Variants in MRC1 observed in about 807,000 individuals in gnomAD.
MRC1 encodes the protein mannose receptor C-type 1.
Under a neutral mutation model 102.9 loss-of-function variants are expected in MRC1, and 62 were observed. The ratio of observed to expected loss-of-function variants is 0.60; its 90% confidence interval spans 0.49 to 0.74. The LOEUF is 0.74. MRC1 is among the 30% of genes least tolerant of loss of function. MRC1 has a pLI of 0.00. For synonymous variants in MRC1, 457 were observed against 298.4 expected (o/e 1.53, Z -5.48); for missense variants, 1,237 against 862.8 (o/e 1.43, Z -5.43).
chr10:17,814,486 A>G (rs1427136372), intron 1 of MRC1, among the ~76,000 whole-genome samples: 1 of 152,110 alleles, frequency 6.6e-6, no homozygotes, highest in Non-Finnish European at 1.5e-5. Flanking sequence ...ACCAGACAGC[A>G]TTATTGTCCC....
Position 17,909,335 on chromosome 10 carries a change from C to G in MRC1, c.4108C>G (p.Leu1370Val). Residue 1370 changes from leucine (L) to valine (V), a missense_variant, in exon 29 of 30, where the codon CTT (leucine) becomes GTT (valine). Coordinates refer to ENST00000569591, the MANE Select transcript of MRC1 (RefSeq NM_002438.4). Reference protein sequence around the residue: ...IIDAKPTHELLTTKADTRKMD... With the variant: ...IIDAKPTHELVTTKADTRKMD... ...TGATGCTAAACCTACTCATGAATTA[C>G]TTACAACAAAAGGTAAGGCCATTGC... The G allele has an allele frequency of 1.1e-6, 1 of 870,622 alleles. No homozygotes were observed. Among genetic ancestry groups the G allele is most frequent in the Non-Finnish European group, 2.0e-6 (1 of 500,258 alleles). The allele number at this position is 870,622 out of a possible 1,614,324, so 53.9% of individuals were successfully genotyped here.
chr10:17,811,684 T>TCCCA (rs1411841013), intron 1 of MRC1, among the ~76,000 whole-genome samples: 1 of 152,028 alleles, frequency 6.6e-6, no homozygotes, highest in Non-Finnish European at 1.5e-5. Flanking sequence ...CTTGGCCCAC[T>TCCCA]CCCAACTCCC....
chr10:17,910,681 A>C lies in MRC1; in HGVS notation c.*216A>C, dbSNP rs2130729872. The C allele has an allele frequency of 1.7e-6, 1 of 595,904 alleles. No homozygotes were observed. The highest frequency in any genetic ancestry group is 3.0e-6 in the Non-Finnish European group (1 of 335,420). 36.9% of individuals were successfully genotyped at this position (595,904 alleles called of 1,614,324 possible). A position where few individuals can be genotyped will look rare whatever the true frequency, so the allele number is the denominator to read the frequency against. ...TAACAATGCTGATTACTACCTTTTA[A>C]AATATTTTAGATAAATGCACAGCAC... On this transcript the variant is annotated 3_prime_UTR_variant, in exon 30 of 30. Transcript: ENST00000569591.
chr10:17,871,419 G>A (rs997309113), intron 14 of MRC1, among the ~76,000 whole-genome samples: 14 of 152,106 alleles, frequency 9.2e-5, no homozygotes, highest in African/African-American at 2.2e-4. Context: ...CCAGAACCCC[G>A]TGGGTTATGA....
chr10:17,897,612 G>A (rs1484832372), intron 23 of MRC1, among the ~76,000 whole-genome samples: 1 of 152,144 alleles, frequency 6.6e-6, no homozygotes, highest in Non-Finnish European at 1.5e-5. Flanking sequence ...GAACAAATGA[G>A]GGAGGAAGAG....
At chr10:17,893,420 G>T (rs1833709165) in intron 22 of MRC1, among the ~76,000 whole-genome samples, 1 of 152,172 alleles carries the variant, frequency 6.6e-6, no homozygotes. Flanking sequence ...GCCTCTCAAA[G>T]TGCTGGGATT....
chr10:17,883,829 C>T (rs986583843), intron 21 of MRC1, among the ~76,000 whole-genome samples: 21 of 152,256 alleles, frequency 1.4e-4, no homozygotes, highest in South Asian at 1.0e-3. Flanking sequence ...CCTGGAGGTA[C>T]GCTGAGGGAA....
intron 22 of MRC1, among the ~76,000 whole-genome samples, chr10:17,891,912 C>T (rs1833683577): frequency 6.6e-6 from 1 of 152,038 alleles, no homozygotes; most frequent in African/African-American, 2.4e-5. Context: ...ATTTCGTAGT[C>T]CTATGATGGG....
chr10:17,860,140 C>A (rs1833161111), intron 9 of MRC1, among the ~76,000 whole-genome samples: 3 of 152,158 alleles, frequency 2.0e-5, no homozygotes, highest in Non-Finnish European at 4.4e-5. Flanking sequence ...TGGCCAACAA[C>A]AATTTAATTT....
intron 9 of MRC1, among the ~76,000 whole-genome samples, chr10:17,859,459 A>G (rs1207078519): frequency 1.3e-5 from 2 of 152,140 alleles, no homozygotes; most frequent in African/African-American, 4.8e-5. Context: ...CTGGGACTAC[A>G]GGTGCCTGCC....
At chr10:17,882,007 T>A (rs1432238668) in intron 21 of MRC1, among the ~76,000 whole-genome samples, 2 of 151,814 alleles carry the variant, frequency 1.3e-5, no homozygotes, top group Non-Finnish European at 2.9e-5. Context: ...GCCAGAACTA[T>A]GAAGGAGGAT....
intron 15 of MRC1, among the ~76,000 whole-genome samples, chr10:17,873,083 C>T (rs1238079767): frequency 2.6e-5 from 4 of 152,162 alleles, no homozygotes; most frequent in African/African-American, 9.7e-5. Flanking sequence ...ATTATCGTAG[C>T]TCTACTCTTG....
intron 9 of MRC1, among the ~76,000 whole-genome samples, chr10:17,856,996 ATCT>A (rs1257277893): frequency 1.3e-5 from 2 of 152,234 alleles, no homozygotes; most frequent in Non-Finnish European, 2.9e-5. Context: ...TGATTGCTAC[ATCT>A]TCTTTTCTAC....
At chr10:17,821,634 C>T (rs1838397812) in intron 1 of MRC1, among the ~76,000 whole-genome samples, 2 of 151,906 alleles carry the variant, frequency 1.3e-5, no homozygotes, top group Non-Finnish European at 2.9e-5. Flanking sequence ...TCTTTTGAGG[C>T]AAAAATTTAT....
chr10:17,865,536 CCATTGT>C (rs1450624232), intron 11 of MRC1: 34 of 152,346 alleles, frequency 2.2e-4, no homozygotes, highest in African/African-American at 7.5e-4. Flanking sequence ...TCAGTTGCAA[CCATTGT>C]CATGGTATAT....
At chr10:17,841,399 T>C (rs1838746983) in intron 5 of MRC1, among the ~76,000 whole-genome samples, 1 of 152,214 alleles carries the variant, frequency 6.6e-6, no homozygotes, top group Non-Finnish European at 1.5e-5. Context: ...AAAAATACTA[T>C]CTCAGTTACA....
At chr10:17,810,023 C>G (rs1487259841) in intron 1 of MRC1, among the ~76,000 whole-genome samples, 3 of 151,916 alleles carry the variant, frequency 2.0e-5, no homozygotes, top group Non-Finnish European at 1.5e-5. Flanking sequence ...AATTTCCATA[C>G]TCATTTTTTT....
Position 17,828,262 on chromosome 10 carries a change from G to C in MRC1, c.637+547G>C, listed in dbSNP as rs1838513961. On this transcript the variant is annotated intron_variant, in intron 3 of 29. Transcript: ENST00000569591. ...TGGCTAATTTTTTGTATTTTTAGTA[G>C]AGACGGGGTTTCACTGTGTTAGCCA... Among the ~76,000 whole-genome samples the C allele has an allele frequency of 2.0e-5, 3 of 151,370 alleles. No individual in the cohort carries two copies. In the South Asian group the frequency reaches 6.2e-4, roughly 31 times the overall value.
intron 1 of MRC1, 93 bp downstream of exon 1, chr10:17,809,619 T>C: frequency 1.2e-6 from 1 of 830,282 alleles, no homozygotes; most frequent in South Asian, 1.3e-5. Flanking sequence ...CCTTTCAACA[T>C]CTTTGTGAGG....
Sources: gnomAD v4.1 joint callset for allele counts (sites outside exome capture counted in the v4.1 genomes callset) on GRCh38, gnomAD v4.1.1 for gene constraint, MANE v1.5 for transcripts, NCBI Gene and HGNC (gene_info 2026-07-23, HGNC 2026-07-21) for gene names.